The following NYAP2 variants were observed in gnomAD, a reference collection of about 807,000 sequenced individuals.
NYAP2 encodes neuronal tyrosine-phosphorylated phosphoinositide-3-kinase adapter 2.
In NYAP2, 23 loss-of-function variants were observed where a neutral mutation model predicts 50.4. That is an observed-to-expected ratio of 0.46 (90% confidence interval 0.33 to 0.65). NYAP2 has a LOEUF of 0.65. NYAP2 is among the 30% of genes least tolerant of loss of function. The pLI is 0.02. For synonymous variants in NYAP2, 394 were observed against 365.2 expected, an observed-to-expected ratio of 1.08 and a Z score of -0.90; for missense variants, 885 against 861.0, an observed-to-expected ratio of 1.03 and a Z score of -0.35.
chr2:225,625,168 G>T (rs1314372), intron 5 of NYAP2, among the ~76,000 whole-genome samples: 1 of 149,270 alleles, frequency 6.7e-6, no homozygotes, highest in South Asian at 2.1e-4. Flanking sequence ...GTGATTATTA[G>T]ATAATCAGAT....
At chr2:225,462,987 C>A (rs557371335) in intron 3 of NYAP2, among the ~76,000 whole-genome samples, 1 of 152,310 alleles carries the variant, frequency 6.6e-6, no homozygotes, top group Admixed American at 6.5e-5. Flanking sequence ...TTATACAGAC[C>A]AGACATGTAA....
At chr2:225,483,975 T>G (rs1243020724) in intron 3 of NYAP2, among the ~76,000 whole-genome samples, 3 of 152,212 alleles carry the variant, frequency 2.0e-5, no homozygotes, top group Non-Finnish European at 2.9e-5. Flanking sequence ...CTTAAAGGAC[T>G]CACACTTGCC....
At chr2:225,427,996 C>T (rs888919790) in intron 3 of NYAP2, among the ~76,000 whole-genome samples, 1 of 152,180 alleles carries the variant, frequency 6.6e-6, no homozygotes, top group African/African-American at 2.4e-5. Flanking sequence ...CTCTACTTCT[C>T]TCTCTGGTTA....
intron 4 of NYAP2, among the ~76,000 whole-genome samples, chr2:225,564,143 T>C (rs1482075095): frequency 6.6e-6 from 1 of 152,020 alleles, no homozygotes; most frequent in Non-Finnish European, 1.5e-5. Flanking sequence ...TGACTCCAGC[T>C]AAGGCAAGGA....
At chr2:225,508,609 T>C (rs574036036) in intron 3 of NYAP2, among the ~76,000 whole-genome samples, 35 of 151,992 alleles carry the variant, frequency 2.3e-4, no homozygotes, top group African/African-American at 8.2e-4. Context: ...CTAGCACCTG[T>C]AGAAGGAGAG....
At chr2:225,572,546 C>A (rs1028095418) in intron 4 of NYAP2, among the ~76,000 whole-genome samples, 2 of 152,152 alleles carry the variant, frequency 1.3e-5, no homozygotes, top group Non-Finnish European at 2.9e-5. Flanking sequence ...GAGGAAACTA[C>A]CCCCATGATT....
chr2:225,435,925 C>T (rs531209577), intron 3 of NYAP2, among the ~76,000 whole-genome samples: 45 of 152,224 alleles, frequency 3.0e-4, no homozygotes, highest in East Asian at 1.9e-4. Flanking sequence ...CATTTGTAAA[C>T]GAGATATACT....
chr2:225,594,518 G>A (rs1442395256), intron 5 of NYAP2, among the ~76,000 whole-genome samples: 1 of 151,864 alleles, frequency 6.6e-6, no homozygotes, highest in Admixed American at 6.6e-5. Flanking sequence ...GTGAGACTCT[G>A]TCTAAAAAAA....
the NYAP2 span, among the ~76,000 whole-genome samples, chr2:225,693,442 A>C: frequency 1.1e-4 from 17 of 152,096 alleles, no homozygotes; most frequent in Non-Finnish European, 2.4e-4. Flanking sequence ...ATAGTTTACT[A>C]CGGTTGATCG....
At chr2:225,640,520 A>G (rs1693509612) in intron 6 of NYAP2, among the ~76,000 whole-genome samples, 1 of 152,154 alleles carries the variant, frequency 6.6e-6, no homozygotes, top group African/African-American at 2.4e-5. Context: ...AGTGCCTCTG[A>G]TTCAGTAAAA....
intron 3 of NYAP2, among the ~76,000 whole-genome samples, chr2:225,461,507 G>A (rs1485148392): frequency 2.0e-5 from 3 of 152,238 alleles, no homozygotes. Context: ...GAGTTTGAAA[G>A]ATAAACTGGT....
At chr2:225,622,666 A>G (rs1303252217) in intron 5 of NYAP2, among the ~76,000 whole-genome samples, 2 of 144,468 alleles carry the variant, frequency 1.4e-5, no homozygotes, top group Admixed American at 7.0e-5. Flanking sequence ...TGCAACCTCC[A>G]CCTCCCGGGT....
chr2:225,568,827 G>A (rs761207023), intron 4 of NYAP2, among the ~76,000 whole-genome samples: 21 of 152,176 alleles, frequency 1.4e-4, no homozygotes, highest in Non-Finnish European at 2.1e-4. Flanking sequence ...TGAGATCTGA[G>A]TGACACAAAG....
At chr2:225,499,894 G>A (rs1403964190) in intron 3 of NYAP2, among the ~76,000 whole-genome samples, 2 of 152,136 alleles carry the variant, frequency 1.3e-5, no homozygotes, top group African/African-American at 2.4e-5. Context: ...AACAGAGAAA[G>A]AATACAAGAG....
chr2:225,442,524 C>A (rs1689487516), intron 3 of NYAP2, among the ~76,000 whole-genome samples: 2 of 152,024 alleles, frequency 1.3e-5, no homozygotes, highest in African/African-American at 2.4e-5. Context: ...TGAAGAAATA[C>A]CTGAGATGGT....
intron 3 of NYAP2, among the ~76,000 whole-genome samples, chr2:225,459,769 A>G (rs112409992): frequency 0.02 from 3,091 of 151,932 alleles, 112 homozygotes; most frequent in African/African-American, 0.071. Flanking sequence ...TCAGCCTCCC[A>G]AGTAGCTGGG....
At chr2:225,620,050 A>C (rs547789622) in intron 5 of NYAP2, among the ~76,000 whole-genome samples, 1 of 152,316 alleles carries the variant, frequency 6.6e-6, no homozygotes, top group South Asian at 2.1e-4. Flanking sequence ...TGAACACTTA[A>C]AATAACTCAG....
chr2:225,657,188 G>A (rs1262838515), downstream of NYAP2, among the ~76,000 whole-genome samples: 1 of 132,318 alleles, frequency 7.6e-6, no homozygotes, highest in Admixed American at 9.3e-5. Context: ...TCAGCTTATT[G>A]CAACCTCCAC....
chr2:225,460,688 G>A (rs757470501), intron 3 of NYAP2, among the ~76,000 whole-genome samples: 6 of 152,076 alleles, frequency 3.9e-5, no homozygotes, highest in Non-Finnish European at 7.4e-5. Flanking sequence ...CTAGACCATC[G>A]CTTTGGAATT....
Sources: allele counts gnomAD v4.1 joint callset (sites outside exome capture counted in the v4.1 genomes callset), GRCh38; gene constraint gnomAD v4.1.1; transcripts MANE v1.5; gene names NCBI Gene and HGNC (gene_info 2026-07-23, HGNC 2026-07-21).